Variants in ZPLD1 observed in about 807,000 individuals in gnomAD.
ZPLD1 encodes the protein zona pellucida like domain containing 1.
In ZPLD1, 34 loss-of-function variants were observed where a neutral mutation model predicts 47.2. The ratio of observed to expected loss-of-function variants is 0.72; its 90% confidence interval spans 0.55 to 0.96. The LOEUF (loss-of-function observed/expected upper bound fraction) is 0.96. Among genes scored for constraint, ZPLD1 ranks in the 40% least tolerant of loss-of-function variants. ZPLD1 has a pLI of 0.00. For missense variants in ZPLD1, 512 were observed against 505.8 expected, an observed-to-expected ratio of 1.01 and a Z score of -0.12; for synonymous variants, 176 against 186.2, an observed-to-expected ratio of 0.95 and a Z score of 0.45.
Position 102,470,518 on chromosome 3 carries a change from C to T in ZPLD1, c.1042+16C>T, listed in dbSNP as rs746226394. On this transcript the variant is annotated intron_variant, in intron 10 of 11. Coordinates refer to ENST00000466937, the MANE Select transcript of ZPLD1 (RefSeq NM_001329788.2). ...ACTCGGAGTGGTAAGTGTGCTCCTC[C>T]TTCTGTATGTAGTAATAGACGGTTC... is the stretch of plus-strand genomic sequence containing the variant. 1.2e-6 allele frequency: 2 copies of T among 1,604,298 alleles called. No homozygotes were observed. Among genetic ancestry groups the T allele is most frequent in the East Asian group, 4.5e-5 (2 of 44,824 alleles).
At chr3:102,389,267 A>C (rs530635923) in intron 6 of ZPLD1, among the ~76,000 whole-genome samples, 9 of 152,176 alleles carry the variant, frequency 5.9e-5, no homozygotes, top group Non-Finnish European at 1.3e-4. Flanking sequence ...TGAAATTTTC[A>C]GAGGCAAAAA....
intron 6 of ZPLD1, among the ~76,000 whole-genome samples, chr3:102,391,511 T>G (rs964785951): frequency 5.3e-5 from 8 of 152,124 alleles, no homozygotes; most frequent in Non-Finnish European, 1.2e-4. Flanking sequence ...ATACAGTTTC[T>G]GCTTGGTTTT....
intron 9 of ZPLD1, among the ~76,000 whole-genome samples, chr3:102,469,484 G>T (rs1707649318): frequency 6.6e-6 from 1 of 152,222 alleles, no homozygotes; most frequent in Non-Finnish European, 1.5e-5. Context: ...TGAGAGAGAT[G>T]AAGCAGGAGA....
At chr3:102,417,480 G>A (rs1337217828) in intron 7 of ZPLD1, among the ~76,000 whole-genome samples, 1 of 151,920 alleles carries the variant, frequency 6.6e-6, no homozygotes, top group Admixed American at 6.6e-5. Flanking sequence ...TCCAAAGGCT[G>A]GTGGAGGTGG....
intron 3 of ZPLD1, among the ~76,000 whole-genome samples, chr3:102,443,956 T>A (rs146516364): frequency 6.6e-6 from 1 of 152,328 alleles, no homozygotes; most frequent in East Asian, 1.9e-4. Flanking sequence ...TGAAAGCAAT[T>A]ACTACAACAG....
Position 102,415,845 on chromosome 3 carries a change from GA to G in ZPLD1, c.-156-2212del, listed in dbSNP as rs1706799287. On this transcript the variant is annotated intron_variant, in intron 7 of 17. Transcript: ENST00000491959. ...ACAGGAATGAACCATTTAGTTTGAA[GA>G]AATAGTTACCAGTCAGACTGCCTTA... Among the ~76,000 whole-genome samples the G allele has an allele frequency of 2.0e-5, 3 of 151,930 alleles. No homozygotes were observed. In the South Asian group the frequency reaches 6.2e-4, roughly 32 times the overall value.
chr3:102,404,172 T>C (rs1468245716), intron 7 of ZPLD1, among the ~76,000 whole-genome samples: 1 of 151,976 alleles, frequency 6.6e-6, no homozygotes, highest in African/African-American at 2.4e-5. Flanking sequence ...AATAATGATG[T>C]CTACAATCTC....
At chr3:102,475,101 A>G (rs893805815) in intron 10 of ZPLD1, among the ~76,000 whole-genome samples, 4 of 152,024 alleles carry the variant, frequency 2.6e-5, no homozygotes, top group Admixed American at 6.6e-5. Context: ...TCCAAATAGT[A>G]TTCAAATATC....
chr3:102,465,574 T>G (rs911869639), intron 8 of ZPLD1, among the ~76,000 whole-genome samples: 50 of 152,224 alleles, frequency 3.3e-4, no homozygotes, highest in African/African-American at 1.2e-3. Flanking sequence ...GGTTATGGAT[T>G]TTTTTTGACA....
intron 7 of ZPLD1, among the ~76,000 whole-genome samples, chr3:102,403,487 C>T (rs919558070): frequency 6.6e-6 from 1 of 151,912 alleles, no homozygotes; most frequent in Non-Finnish European, 1.5e-5. Context: ...CATGTTAATC[C>T]TCAGAGGCTT....
chr3:102,465,749 C>T lies in ZPLD1; in HGVS notation c.761+1498C>T, dbSNP rs561188874. Reference sequence around the variant, plus strand: ...ATGCATAACTAAAGAAAAAAAATTTCCCAAATGTCCTTTTTTGTGAATCTA... The same window carrying T: ...ATGCATAACTAAAGAAAAAAAATTTTCCAAATGTCCTTTTTTGTGAATCTA... On this transcript the variant is annotated intron_variant, in intron 8 of 11. Transcript: ENST00000466937. Among the ~76,000 whole-genome samples, 3 of 152,172 alleles carry T rather than the reference C, an allele frequency of 2.0e-5. No individual in the cohort carries two copies. The South Asian group carries it at 6.2e-4, about 32-fold the overall frequency.
intron 7 of ZPLD1, among the ~76,000 whole-genome samples, chr3:102,397,186 A>G (rs1706567709): frequency 6.6e-6 from 1 of 152,026 alleles, no homozygotes; most frequent in Non-Finnish European, 1.5e-5. Context: ...TGGATCATCT[A>G]CTTTGTGCAT....
intron 3 of ZPLD1, among the ~76,000 whole-genome samples, chr3:102,449,497 G>A (rs550291068): frequency 9.2e-5 from 14 of 152,212 alleles, no homozygotes; most frequent in South Asian, 4.1e-4. Flanking sequence ...AGTGTATGCC[G>A]TTATGAGTAG....
At chr3:102,416,056 T>C (rs2107302404) in intron 7 of ZPLD1, among the ~76,000 whole-genome samples, 1 of 152,012 alleles carries the variant, frequency 6.6e-6, no homozygotes, top group African/African-American at 2.4e-5. Context: ...CTTGTACAAC[T>C]AATCAAATAT....
chr3:102,465,626 A>T (rs1216181294), intron 8 of ZPLD1, among the ~76,000 whole-genome samples: 1 of 152,140 alleles, frequency 6.6e-6, no homozygotes, highest in Non-Finnish European at 1.5e-5. Context: ...TCATATATTG[A>T]TAATCTGGAA....
rs77744893 is a variant in ZPLD1, at chr3:102,452,273, C to A, written c.107-646C>A. Among the ~76,000 whole-genome samples the A allele has an allele frequency of 5.8e-5, 8 of 138,620 alleles. 1 individual carries two copies. Among genetic ancestry groups the A allele is most frequent in the East Asian group, 4.1e-4 (2 of 4,858 alleles). 90.9% of individuals were successfully genotyped at this position (138,620 alleles called of 152,430 possible). On this transcript the variant is annotated intron_variant, in intron 3 of 11. Transcript: ENST00000466937. ...TAGGTCATTTTTTTTTTTTTTTTTA[C>A]TGAGGCATGCATAGTCATTGGCAAA...
rs181153361 is a variant in ZPLD1, at chr3:102,479,581, C to T, written c.*1963C>T. 6.6e-6 allele frequency: 1 copy of T among 152,166 alleles called. No homozygotes were observed. Among genetic ancestry groups the T allele is most frequent in the African/African-American group, 2.4e-5 (1 of 41,532 alleles). 9.4% of individuals were successfully genotyped at this position (152,166 alleles called of 1,614,324 possible). A position where few individuals can be genotyped will look rare whatever the true frequency, so the allele number is the denominator to read the frequency against. Reference sequence around the variant, plus strand: ...TAAGTATCACATTATTTTTTGCCACCCTTTCATCATAAATGGAAGAATCAG... The same window carrying T: ...TAAGTATCACATTATTTTTTGCCACTCTTTCATCATAAATGGAAGAATCAG... On this transcript the variant is annotated 3_prime_UTR_variant, in exon 12 of 12. Coordinates refer to ENST00000466937, the MANE Select transcript of ZPLD1 (RefSeq NM_001329788.2).
intron 3 of ZPLD1, among the ~76,000 whole-genome samples, chr3:102,449,220 A>G (rs1183024731): frequency 1.3e-5 from 2 of 152,170 alleles, no homozygotes; most frequent in South Asian, 4.1e-4. Flanking sequence ...ATACTTCAAG[A>G]CTGAGCTAAT....
chr3:102,463,325 C>A (rs923609916), intron 7 of ZPLD1, among the ~76,000 whole-genome samples: 2 of 152,148 alleles, frequency 1.3e-5, no homozygotes, highest in African/African-American at 4.8e-5. Flanking sequence ...GCTCTAAACT[C>A]CTTTGTTGTA....
Sources: gnomAD v4.1 joint callset for allele counts (sites outside exome capture counted in the v4.1 genomes callset) on GRCh38, gnomAD v4.1.1 for gene constraint, MANE v1.5 for transcripts, NCBI Gene and HGNC (gene_info 2026-07-23, HGNC 2026-07-21) for gene names.